The following DICER1 variants were observed in gnomAD, a reference collection of about 807,000 sequenced individuals.
DICER1 encodes the protein endoribonuclease Dicer.
In DICER1, 43 loss-of-function variants were observed where a neutral mutation model predicts 194.1. The ratio of observed to expected loss-of-function variants is 0.22; its 90% CI spans 0.17 to 0.29. The LOEUF (loss-of-function observed/expected upper bound fraction) is 0.29. DICER1 is among the 10% of genes least tolerant of loss of function. The probability of loss-of-function intolerance (pLI) is 1.00; values close to 1 mark genes in which losing one functional copy is unlikely to be tolerated. For synonymous variants in DICER1, 832 were observed against 820.5 expected, an observed-to-expected ratio of 1.01 and a Z score of -0.24; for missense variants, 1,608 against 2,317.0, an observed-to-expected ratio of 0.69 and a Z score of 6.28.
chr14:95,097,421 A>T (rs967331552), intron 22 of DICER1, among the ~76,000 whole-genome samples: 7 of 152,234 alleles, frequency 4.6e-5, no homozygotes, highest in African/African-American at 1.7e-4. Context: ...AACAGATTAT[A>T]GCATAACTGA....
chr14:95,157,068 A>ACGAGGCAGG (rs1171905719), intron 1 of DICER1, among the ~76,000 whole-genome samples, 162 bp downstream of exon 1: 1 of 151,452 alleles, frequency 6.6e-6, no homozygotes, highest in Non-Finnish European at 1.5e-5. Flanking sequence ...GTGCGGGACG[A>ACGAGGCAGG]CGAGGCAGGC....
chr14:95,108,605 A>ATTCTCATCAGCTT, intron 14 of DICER1, 102 bp from the exon 15 acceptor site: 1 of 1,088,594 alleles, frequency 9.2e-7, no homozygotes, highest in Non-Finnish European at 1.4e-6. Flanking sequence ...CTAAAAGCTG[A>ATTCTCATCAGCTT]TGAGAATAAG....
intron 1 of DICER1, among the ~76,000 whole-genome samples, chr14:95,144,320 T>A (rs1023290689): frequency 1.3e-5 from 2 of 152,070 alleles, no homozygotes; most frequent in African/African-American, 4.8e-5. Context: ...CTTTTTTTTT[T>A]CCTTTGTACC....
chr14:95,156,906 C>T (rs913406750), intron 1 of DICER1, among the ~76,000 whole-genome samples: 2 of 152,278 alleles, frequency 1.3e-5, no homozygotes, highest in African/African-American at 2.4e-5. Flanking sequence ...AGCCCCAGGC[C>T]TCGCCAGGCC....
In DICER1 at chr14:95,096,730, T is replaced by C. The variant is rs1890391811; in HGVS notation, c.4207-17A>G. ...GTCTTTTGTCTGAAACGAGGGGGAA[T>C]GGGGAAGGAGGGGAAACATAGCTGC... On this transcript the variant is annotated splice_polypyrimidine_tract_variant and intron_variant, in intron 22 of 26. Coordinates refer to ENST00000343455, the MANE Select transcript of DICER1 (RefSeq NM_177438.3). 1.9e-6 allele frequency: 3 copies of C among 1,587,044 alleles called. No individual in the cohort carries two copies. The highest frequency in any genetic ancestry group is 2.6e-6 in the Non-Finnish European group (3 of 1,165,882).
chr14:95,099,571 AAATT>A (rs1890669500), intron 22 of DICER1, among the ~76,000 whole-genome samples: 1 of 152,220 alleles, frequency 6.6e-6, no homozygotes, highest in Non-Finnish European at 1.5e-5. Flanking sequence ...GCCTCCATCA[AAATT>A]ATAATACTAT....
chr14:95,092,218 G>C (rs1252665916), intron 24 of DICER1, among the ~76,000 whole-genome samples: 1 of 152,156 alleles, frequency 6.6e-6, no homozygotes. Flanking sequence ...TACGTGAAAA[G>C]AACAGGTGAC....
At chr14:95,120,241 A>C (rs968449054) in intron 8 of DICER1, among the ~76,000 whole-genome samples, 1 of 152,208 alleles carries the variant, frequency 6.6e-6, no homozygotes, top group Non-Finnish European at 1.5e-5. Flanking sequence ...TAATTCCTCT[A>C]TGATTTCACT....
At chr14:95,135,131 T>A (rs1316550659) in intron 1 of DICER1, among the ~76,000 whole-genome samples, 1 of 152,344 alleles carries the variant, frequency 6.6e-6, no homozygotes, top group Middle Eastern at 3.4e-3. Flanking sequence ...GGCTAAGATC[T>A]GCGGGTCCCA....
intron 6 of DICER1, among the ~76,000 whole-genome samples, chr14:95,128,112 C>T (rs145647677): frequency 2.0e-5 from 3 of 152,192 alleles, no homozygotes; most frequent in Admixed American, 1.3e-4. Flanking sequence ...GTCTTTTATG[C>T]CTTTCATAAA....
intron 8 of DICER1, among the ~76,000 whole-genome samples, chr14:95,118,060 G>C (rs1231737534): frequency 2.6e-5 from 4 of 152,180 alleles, no homozygotes; most frequent in Non-Finnish European, 5.9e-5. Context: ...CCCAGGATGA[G>C]ACTGAGCTAG....
At chr14:95,096,849 G>A (rs1394915582) in intron 22 of DICER1, 136 bp from the exon 23 acceptor site, 2 of 972,040 alleles carry the variant, frequency 2.1e-6, no homozygotes, top group South Asian at 2.0e-5. Flanking sequence ...TTAAAATCAT[G>A]GCCATTTGTT....
chr14:95,116,632 C>G lies in DICER1; in HGVS notation c.1573G>C (p.Gly525Arg). 6.2e-7 allele frequency: 1 copy of G among 1,613,634 alleles called. No individual in the cohort carries two copies. Among genetic ancestry groups the G allele is most frequent in the Non-Finnish European group, 8.5e-7 (1 of 1,179,870 alleles). ...LLIATSIVEE[G>R]VDIPKCNLVV... is the part of the protein sequence containing the mutation. Reference sequence around the variant, plus strand: ...AAGTTGCATTTTGGTATATCAACACCCTCTTCTACAATACTTGTTGCAATA... The same window carrying G: ...AAGTTGCATTTTGGTATATCAACACGCTCTTCTACAATACTTGTTGCAATA... Residue 525 changes from glycine (G) to arginine (R), a missense_variant, in exon 10 of 27, where the codon GGT becomes CGT. Coordinates refer to ENST00000343455, the MANE Select transcript of DICER1 (RefSeq NM_177438.3).
At chr14:95,140,301 G>A (rs542529771) in intron 1 of DICER1, among the ~76,000 whole-genome samples, 3 of 152,174 alleles carry the variant, frequency 2.0e-5, no homozygotes, top group East Asian at 3.9e-4. Context: ...CTATGGTCTC[G>A]TAAGATTATG....
chr14:95,107,903 T>C lies in DICER1; in HGVS notation c.2627A>G (p.Tyr876Cys), dbSNP rs1165182865. The change falls in exon 16 of 27, where the codon TAC becomes TGC. Residue 876 changes from tyrosine (Y) to cysteine (C), a missense_variant. By Grantham distance (194) the Tyr-to-Cys change is radical (BLOSUM62 -2). Transcript: ENST00000343455. ...EFKPTDADSAYCVLPLNVVND... is the reference protein window; with the variant it reads ...EFKPTDADSACCVLPLNVVND... ...ACCAACATTAAGAGGTAGAACACAG[T>C]ATGCTGAATCAGCGTCTGTAGGTTT... The C allele has an allele frequency of 3.7e-6, 6 of 1,614,040 alleles. No homozygotes were observed. Among genetic ancestry groups the C allele is most frequent in the African/African-American group, 1.3e-5 (1 of 75,064 alleles).
chr14:95,089,240 C>T lies in DICER1; in HGVS notation c.*1258G>A. 1 of 231,608 alleles carries T rather than the reference C, an allele frequency of 4.3e-6. No homozygotes were observed. Among genetic ancestry groups the T allele is most frequent in the Non-Finnish European group, 8.5e-6 (1 of 117,648 alleles). 14.3% of individuals were successfully genotyped at this position (231,608 alleles called of 1,614,324 possible). A position where few individuals can be genotyped will look rare whatever the true frequency, so the allele number is the denominator to read the frequency against. ...CTTTTCCAAAGATGGAAATAATGAG[C>T]TAGTTTATCTAAATTAATGACCTAA... On this transcript the variant is annotated 3_prime_UTR_variant, in exon 27 of 27. Transcript: ENST00000343455.
intron 21 of DICER1, 30 bp downstream of exon 21, chr14:95,103,316 A>G: frequency 1.2e-6 from 2 of 1,607,356 alleles, no homozygotes; most frequent in Non-Finnish European, 1.7e-6. Context: ...TGAATAATTA[A>G]CTGCTCAAAA....
At chr14:95,126,551 A>T (rs759710166) in intron 7 of DICER1, 29 bp downstream of exon 7, 1 of 1,344,432 alleles carries the variant, frequency 7.4e-7, no homozygotes, top group South Asian at 1.2e-5. Flanking sequence ...TCAAAATATA[A>T]TCACTATACC....
In DICER1 at chr14:95,116,548, C is replaced by G. The variant is rs2140124156; in HGVS notation, c.1657G>C (p.Ala553Pro). The G allele has an allele frequency of 1.2e-6, 2 of 1,614,016 alleles. No individual in the cohort carries two copies. The highest frequency in any genetic ancestry group is 1.7e-6 in the Non-Finnish European group (2 of 1,179,974). Reference protein sequence around the residue: ...YRSYVQSKGRARAPISNYIML... With the variant: ...YRSYVQSKGRPRAPISNYIML... The stretch of plus-strand genomic sequence containing the variant: ...ATATAATTAGAGATGGGTGCCCTTG[C>G]TCTTCCTTTAGATTGAACATAGGAT... The change falls in exon 10 of 27, where the codon GCA (alanine) becomes CCA (proline). Residue 553 changes from alanine to proline, a missense_variant. Around this residue, in one of 10 missense-constraint regions of DICER1, gnomAD observed 657 missense variants for 910.1 expected, o/e 0.72. Transcript: ENST00000343455.
Sources: allele counts gnomAD v4.1 joint callset (sites outside exome capture counted in the v4.1 genomes callset), GRCh38; gene constraint gnomAD v4.1.1; regional missense constraint gnomAD v4.1.1; transcripts MANE v1.5; gene names NCBI Gene and HGNC (gene_info 2026-07-23, HGNC 2026-07-21).